HSP90AB1: variants seen among roughly 807,000 people sequenced by gnomAD.
HSP90AB1 encodes heat shock protein HSP 90-beta.
A neutral mutation model predicts 67.8 loss-of-function variants in HSP90AB1; 17 were observed. The ratio of observed to expected loss-of-function variants is 0.25; its 90% CI spans 0.17 to 0.38. HSP90AB1 has a LOEUF of 0.38. Ranked by LOEUF, HSP90AB1 falls within the 10% of genes least tolerant of loss-of-function variation. The probability of loss-of-function intolerance (pLI) is 1.00; values close to 1 mark genes in which losing one functional copy is unlikely to be tolerated. For synonymous variants in HSP90AB1, 390 were observed against 312.9 expected, an observed-to-expected ratio of 1.25 and a Z score of -2.60; for missense variants, 690 against 899.9, an observed-to-expected ratio of 0.77 and a Z score of 2.98.
rs375408551 is a variant in HSP90AB1 at position 44,250,169 on chromosome 6, T to C, written c.648+15T>C. 10 of 1,613,986 alleles carry C rather than the reference T, an allele frequency of 6.2e-6. No individual in the cohort carries two copies. The Admixed American group carries it at 8.3e-5, about 13-fold the overall frequency. ...TCACCCTTTATGTGAGTATGGACTT[T>C]TAAATCTTTTACACTTAACGTGCAG... On this transcript the variant is annotated intron_variant, in intron 5 of 11. Coordinates refer to ENST00000371646, the MANE Select transcript of HSP90AB1 (RefSeq NM_007355.4).
intron 10 of HSP90AB1, 102 bp downstream of exon 10, chr6:44,252,369 C>G: frequency 9.7e-7 from 1 of 1,029,012 alleles, no homozygotes; most frequent in Non-Finnish European, 1.4e-6. Flanking sequence ...AGCCTATTTA[C>G]TGTTTCATGC....
In HSP90AB1 at chr6:44,253,369, C is replaced by T. The variant is rs11538964; in HGVS notation, c.2056C>T (p.Leu686=). 25 of 1,613,850 alleles carry T rather than the reference C, an allele frequency of 1.5e-5. No individual in the cohort carries two copies. In the South Asian group the frequency reaches 2.4e-4, roughly 16 times the overall value. ...CAACCGCATCTATCGCATGATCAAG[C>T]TAGGTCTAGGTAAGTAGCTTTGGTA... ...HSNRIYRMIK[L]GLGIDEDEVA... is the part of the protein sequence containing the mutation. Residue 686 remains leucine, a synonymous_variant, in exon 11 of 12, where the codon CTA becomes TTA. Coordinates refer to ENST00000371646, the MANE Select transcript of HSP90AB1 (RefSeq NM_007355.4).
chr6:44,251,647 C>T (rs772288664), intron 8 of HSP90AB1, 39 bp downstream of exon 8: 4 of 1,586,728 alleles, frequency 2.5e-6, no homozygotes, highest in Non-Finnish European at 1.7e-6. Flanking sequence ...TTACCACTTT[C>T]TTAGTAATAA....
intron 1 of HSP90AB1, chr6:44,248,223 T>C (rs324132): frequency 1 from 164,004 of 164,122 alleles, 81,943 homozygotes; most frequent in Middle Eastern, 1. Context: ...GTCACTTTGA[T>C]CTCCCCCAAA....
rs1343199570 is a variant in HSP90AB1 at position 44,251,221 on chromosome 6, T to A, written c.1123+8T>A. On this transcript the variant is annotated splice_region_variant and intron_variant, in intron 7 of 11. Transcript: ENST00000371646. ...TGATACCAGAGTATCTCAGTGAGTA[T>A]CTCCTTGGCCTAATTTAGTTGGGTG... is the stretch of plus-strand genomic sequence containing the variant. 3 of 1,613,918 alleles carry A rather than the reference T, an allele frequency of 1.9e-6. No homozygotes were observed. The South Asian group carries it at 3.3e-5, about 18-fold the overall frequency.
In HSP90AB1 at chr6:44,253,552, C is replaced by T. The variant is rs1176726775; in HGVS notation, c.2129C>T (p.Pro710Leu). ...PNAAVPDEIPPLEGDEDASRM... is the reference protein window; with the variant it reads ...PNAAVPDEIPLLEGDEDASRM... The stretch of plus-strand genomic sequence containing the variant: ...GCTGCAGTTCCTGATGAGATCCCCC[C>T]TCTCGAGGGCGATGAGGATGCGTCT... The change falls in exon 12 of 12, where the codon CCT (proline) becomes CTT (leucine). Residue 710 changes from proline to leucine, a missense_variant. Transcript: ENST00000371646. The T allele has an allele frequency of 1.9e-6, 3 of 1,614,054 alleles. No individual in the cohort carries two copies. Among genetic ancestry groups the T allele is most frequent in the Admixed American group, 3.3e-5 (2 of 60,012 alleles).
rs770404324 is a variant in HSP90AB1, at chr6:44,253,603, G to A, written c.*5G>A. On this transcript the variant is annotated 3_prime_UTR_variant, in exon 12 of 12. Coordinates refer to ENST00000371646, the MANE Select transcript of HSP90AB1 (RefSeq NM_007355.4). ...CGCATGGAAGAAGTCGATTAGGTTA[G>A]GAGTTCATAGTTGGAAAACTTGTGC... is the stretch of plus-strand genomic sequence containing the variant. The A allele has an allele frequency of 1.2e-6, 2 of 1,609,518 alleles. No homozygotes were observed. The highest frequency in any genetic ancestry group is 1.3e-5 in the African/African-American group (1 of 74,798).
rs1561901111 is a variant in HSP90AB1, at chr6:44,252,174, T to G, written c.1638T>G (p.Asp546Glu). Reference protein sequence around the residue: ...VTKEGLELPEDEEEKKKMEES... With the variant: ...VTKEGLELPEEEEEKKKMEES... ...AGGAGGGTCTGGAGCTGCCTGAGGA[T>G]GAGGAGGAGAAGAAGAAGATGGAAG... The change falls in exon 10 of 12, where the codon GAT becomes GAG. Residue 546 changes from aspartate (D) to glutamate (E), a missense_variant. Physicochemically the swap from Asp to Glu is conservative, Grantham distance 45 (BLOSUM62 2). Around this residue, in one of 7 missense-constraint regions of HSP90AB1, gnomAD observed 206 missense variants for 221.4 expected, o/e 0.93. Coordinates refer to ENST00000371646, the MANE Select transcript of HSP90AB1 (RefSeq NM_007355.4). 2.5e-6 allele frequency: 4 copies of G among 1,614,016 alleles called. No homozygotes were observed. Among genetic ancestry groups the G allele is most frequent in the East Asian group, 2.2e-5 (1 of 44,890 alleles).
intron 4 of HSP90AB1, 89 bp from the exon 5 acceptor site, chr6:44,249,932 T>G (rs546183088): frequency 2.9e-4 from 461 of 1,584,458 alleles, no homozygotes; most frequent in Middle Eastern, 1.8e-3. Context: ...AAGCAGTTCT[T>G]CACAGCAGTT....
Position 44,251,983 on chromosome 6 carries a change from T to C in HSP90AB1, c.1463-16T>C, listed in dbSNP as rs1561900868. 2 of 1,614,090 alleles carry C rather than the reference T, an allele frequency of 1.2e-6. No homozygotes were observed. The highest frequency in any genetic ancestry group is 8.5e-7 in the Non-Finnish European group (1 of 1,179,968). ...TGAGGCATTTTAGTCACTGAGTTCA[T>C]TTAATTACCCTACAGGTGAGAGCAA... On this transcript the variant is annotated splice_polypyrimidine_tract_variant and intron_variant, in intron 9 of 11. Coordinates refer to ENST00000371646, the MANE Select transcript of HSP90AB1 (RefSeq NM_007355.4).
In HSP90AB1 at chr6:44,251,037, GTTTC is replaced by G; in HGVS notation, c.958-6_958-3del. On this transcript the variant is annotated splice_region_variant and splice_polypyrimidine_tract_variant and intron_variant, in intron 6 of 11. Transcript: ENST00000371646. ...TTTTGAAATGTACCACTTATTTTTG[GTTTC>G]TTTCAGCACTTTTCTGTAGAAGGTC... 2 of 1,612,804 alleles carry G rather than the reference GTTTC, an allele frequency of 1.2e-6. No individual in the cohort carries two copies. Among genetic ancestry groups the G allele is most frequent in the African/African-American group, 1.3e-5 (1 of 74,894 alleles).
At chr6:44,246,593 A>T (rs1779932926), upstream of HSP90AB1, among the ~76,000 whole-genome samples, 1 of 152,168 alleles carries the variant, frequency 6.6e-6, no homozygotes, top group Non-Finnish European at 1.5e-5. Flanking sequence ...TACTCCTGCG[A>T]GAGTCGGGAT....
At position 44,249,449 on chromosome 6, in the gene HSP90AB1, G is replaced by C; in HGVS notation, c.220G>C (p.Asp74His). 6.2e-7 allele frequency: 1 copy of C among 1,614,016 alleles called. No individual in the cohort carries two copies. Among genetic ancestry groups the C allele is most frequent in the Non-Finnish European group, 8.5e-7 (1 of 1,179,928 alleles). The change falls in exon 3 of 12, where the codon GAC becomes CAC. Residue 74 changes from aspartate to histidine, a missense_variant. Asp to His is a moderately conservative substitution (Grantham distance 81). Around this residue, in one of 7 missense-constraint regions of HSP90AB1, gnomAD observed 88 missense variants for 167.7 expected, o/e 0.52. Coordinates refer to ENST00000371646, the MANE Select transcript of HSP90AB1 (RefSeq NM_007355.4). ...GGACAGTGGTAAAGAGCTGAAAATT[G>C]ACATCATCCCCAACCCTCAGGAACG... ...KLDSGKELKI[D>H]IIPNPQERTL... is the part of the protein sequence containing the mutation.
intron 1 of HSP90AB1, among the ~76,000 whole-genome samples, 200 bp downstream of exon 1, chr6:44,247,395 T>G (rs1008797566): frequency 2.0e-5 from 3 of 150,666 alleles, no homozygotes; most frequent in African/African-American, 7.3e-5. Context: ...GTTTGGGGGG[T>G]GGGGCTTTCT....
At chr6:44,247,958 C>T (rs1004232085) in intron 1 of HSP90AB1, 2 of 152,246 alleles carry the variant, frequency 1.3e-5, no homozygotes, top group African/African-American at 4.8e-5. Context: ...CGAGTGTCGG[C>T]CTGGTGGCTA....
chr6:44,248,840 AG>A (rs1780296151), intron 2 of HSP90AB1, 64 bp downstream of exon 2: 34 of 1,497,534 alleles, frequency 2.3e-5, no homozygotes, highest in Non-Finnish European at 3.0e-5. Flanking sequence ...AGGAGGGGAA[AG>A]GAGTGGTTTG....
intron 1 of HSP90AB1, 67 bp from the exon 2 acceptor site, chr6:44,248,546 GGTCCTAACAAATGATAT>G (rs1780255894): frequency 7.7e-7 from 1 of 1,296,986 alleles, no homozygotes; most frequent in Non-Finnish European, 1.1e-6. Context: ...CACTGTCTAA[GGTCCTAACAAATGATAT>G]GACCTTTAGG....
At chr6:44,248,492 T>TA (rs1582981176) in intron 1 of HSP90AB1, 138 bp from the exon 2 acceptor site, 1 of 644,486 alleles carries the variant, frequency 1.6e-6, no homozygotes. Context: ...AATGCATTTT[T>TA]AGTCTTGGGA....
chr6:44,251,167 T>C lies in HSP90AB1; in HGVS notation c.1077T>C (p.Arg359=). 6.2e-7 allele frequency: 1 copy of C among 1,614,188 alleles called. No homozygotes were observed. The part of the protein sequence containing the change: ...KKNNIKLYVR[R]VFIMDSCDEL... ...ACAACATCAAACTCTATGTCCGCCG[T>C]GTGTTCATCATGGACAGCTGTGATG... Residue 359 remains arginine (R), a synonymous_variant, in exon 7 of 12, where the codon CGT becomes CGC. Transcript: ENST00000371646.
Sources: allele counts gnomAD v4.1 joint callset (sites outside exome capture counted in the v4.1 genomes callset), GRCh38; gene constraint gnomAD v4.1.1; regional missense constraint gnomAD v4.1.1; transcripts MANE v1.5; gene names NCBI Gene and HGNC (gene_info 2026-07-23, HGNC 2026-07-21).